CTNNA3: variants seen among roughly 807,000 people sequenced by gnomAD.
CTNNA3 encodes catenin alpha-3.
Under a neutral mutation model 95.7 loss-of-function variants are expected in CTNNA3, and 76 were observed. The observed-to-expected ratio is 0.79, with a 90% CI of 0.66 to 0.96. The LOEUF (loss-of-function observed/expected upper bound fraction) is 0.96. Ranked by LOEUF, CTNNA3 falls within the 40% of genes least tolerant of loss-of-function variation. CTNNA3 has a pLI of 0.00. For synonymous variants in CTNNA3, 431 were observed against 374.4 expected, an observed-to-expected ratio of 1.15 and a Z score of -1.74; for missense variants, 1,191 against 1,089.8, an observed-to-expected ratio of 1.09 and a Z score of -1.31.
chr10:66,923,899 G>A (rs1030114116), intron 7 of CTNNA3, among the ~76,000 whole-genome samples: 1 of 152,176 alleles, frequency 6.6e-6, no homozygotes, highest in African/African-American at 2.4e-5. Context: ...TTTATTGCAT[G>A]TCTGCAATGT....
chr10:67,128,463 A>C (rs1016556413), intron 7 of CTNNA3, among the ~76,000 whole-genome samples: 3 of 152,044 alleles, frequency 2.0e-5, no homozygotes, highest in African/African-American at 7.2e-5. Flanking sequence ...AATAACCATG[A>C]AATATTCTTC....
At chr10:66,055,838 C>A (rs1017849949) in intron 15 of CTNNA3, among the ~76,000 whole-genome samples, 2 of 143,628 alleles carry the variant, frequency 1.4e-5, no homozygotes, top group Non-Finnish European at 3.0e-5. Flanking sequence ...AGGAGAATCG[C>A]TTGAACCTGG....
At chr10:67,558,845 T>G (rs896202098) in intron 3 of CTNNA3, among the ~76,000 whole-genome samples, 2 of 152,212 alleles carry the variant, frequency 1.3e-5, no homozygotes, top group African/African-American at 4.8e-5. Flanking sequence ...ATCCCGCACA[T>G]GGCTCGGAGG....
At chr10:67,199,055 G>A (rs151239997) in intron 6 of CTNNA3, among the ~76,000 whole-genome samples, 3 of 151,896 alleles carry the variant, frequency 2.0e-5, no homozygotes, top group Admixed American at 1.3e-4. Flanking sequence ...AAAGGGGGAA[G>A]GGAAAGAGAA....
chr10:66,718,441 A>G (rs1848522229), intron 9 of CTNNA3, among the ~76,000 whole-genome samples: 1 of 152,106 alleles, frequency 6.6e-6, no homozygotes, highest in Non-Finnish European at 1.5e-5. Context: ...AAATCTTAGA[A>G]TTAAATTTTA....
At chr10:67,102,028 T>C (rs1392940444) in intron 7 of CTNNA3, among the ~76,000 whole-genome samples, 3 of 151,766 alleles carry the variant, frequency 2.0e-5, no homozygotes, top group African/African-American at 4.8e-5. Context: ...AGAATAGATA[T>C]AATAACATCT....
At chr10:66,158,527 A>T (rs1425011497) in intron 13 of CTNNA3, among the ~76,000 whole-genome samples, 1 of 152,064 alleles carries the variant, frequency 6.6e-6, no homozygotes, top group Non-Finnish European at 1.5e-5. Context: ...TTGTACTAGT[A>T]CCATGCTGTT....
chr10:66,361,488 TTCTC>T (rs1293711596), intron 12 of CTNNA3, among the ~76,000 whole-genome samples: 2 of 150,428 alleles, frequency 1.3e-5, no homozygotes, highest in African/African-American at 2.4e-5. Flanking sequence ...CTATTTTTCT[TTCTC>T]TCTCTCTCTC....
chr10:67,295,278 T>C (rs1255035733), intron 5 of CTNNA3, among the ~76,000 whole-genome samples: 1 of 152,196 alleles, frequency 6.6e-6, no homozygotes, highest in Non-Finnish European at 1.5e-5. Context: ...AAATTCTTTC[T>C]TAAAGGTCTC....
chr10:66,441,529 C>T (rs1156404057), intron 11 of CTNNA3, among the ~76,000 whole-genome samples: 2 of 152,102 alleles, frequency 1.3e-5, no homozygotes, highest in Non-Finnish European at 2.9e-5. Context: ...TATTGCTTTG[C>T]TATTCCAAGA....
intron 13 of CTNNA3, among the ~76,000 whole-genome samples, chr10:66,152,059 G>T (rs1320652503): frequency 6.6e-6 from 1 of 151,786 alleles, no homozygotes; most frequent in Non-Finnish European, 1.5e-5. Context: ...GCTTATTCTT[G>T]TTTATATAAC....
intron 15 of CTNNA3, among the ~76,000 whole-genome samples, chr10:66,000,343 A>G (rs776381883): frequency 6.6e-6 from 1 of 152,164 alleles, no homozygotes; most frequent in African/African-American, 2.4e-5. Flanking sequence ...ACGAGAAAGA[A>G]GAAGATGGTA....
intron 10 of CTNNA3, among the ~76,000 whole-genome samples, chr10:66,544,398 A>G (rs34637609): frequency 0.028 from 4,189 of 152,162 alleles, 248 homozygotes; most frequent in East Asian, 0.23. Flanking sequence ...ATTGCAAGCA[A>G]ACTTTAAGTT....
chr10:65,975,616 T>C (rs982102624), intron 16 of CTNNA3, among the ~76,000 whole-genome samples: 1 of 152,178 alleles, frequency 6.6e-6, no homozygotes, highest in African/African-American at 2.4e-5. Flanking sequence ...TGTTTTCTCT[T>C]GACAGGCAGC....
At chr10:66,581,875 T>C (rs1193809017) in intron 10 of CTNNA3, among the ~76,000 whole-genome samples, 2 of 151,660 alleles carry the variant, frequency 1.3e-5, no homozygotes, top group African/African-American at 2.4e-5. Context: ...CATGTGACTA[T>C]GCAATTTTTC....
chr10:66,780,931 G>T (rs1840510081), intron 7 of CTNNA3, among the ~76,000 whole-genome samples: 1 of 152,066 alleles, frequency 6.6e-6, no homozygotes, highest in Non-Finnish European at 1.5e-5. Flanking sequence ...TTCTCTAAAA[G>T]GAAGAATTGT....
intron 1 of CTNNA3, among the ~76,000 whole-genome samples, chr10:67,742,750 G>A (rs11527387): frequency 0.096 from 14,468 of 150,544 alleles, 1,372 homozygotes; most frequent in East Asian, 0.26. Context: ...TTGATAGACC[G>A]CTAGCAAGAC....
intron 15 of CTNNA3, among the ~76,000 whole-genome samples, chr10:66,017,970 A>G (rs970020577): frequency 3.3e-5 from 5 of 152,148 alleles, no homozygotes; most frequent in African/African-American, 9.6e-5. Context: ...GGTATATGAA[A>G]GCCCATGAGC....
At chr10:67,411,929 C>G (rs1374433873) in intron 5 of CTNNA3, among the ~76,000 whole-genome samples, 1 of 151,994 alleles carries the variant, frequency 6.6e-6, no homozygotes, top group Non-Finnish European at 1.5e-5. Flanking sequence ...AATTCTTATT[C>G]TTAACTTTGG....
Sources: allele counts gnomAD v4.1 joint callset (sites outside exome capture counted in the v4.1 genomes callset), GRCh38; gene constraint gnomAD v4.1.1; transcripts MANE v1.5; gene names NCBI Gene and HGNC (gene_info 2026-07-23, HGNC 2026-07-21).